The following TIAM2 variants were observed in gnomAD, a reference collection of about 807,000 sequenced individuals.
TIAM2 encodes the protein TIAM Rac1 associated GEF 2.
Under a neutral mutation model 152.9 loss-of-function variants are expected in TIAM2, and 80 were observed. The ratio of observed to expected loss-of-function variants is 0.52; its 90% confidence interval spans 0.44 to 0.63. The LOEUF is 0.63. Among genes scored for constraint, TIAM2 ranks in the 30% least tolerant of loss-of-function variants. TIAM2 has a pLI of 0.00. For missense variants in TIAM2, 1,965 were observed against 2,120.1 expected, an observed-to-expected ratio of 0.93 and a Z score of 1.44; for synonymous variants, 804 against 838.0, an observed-to-expected ratio of 0.96 and a Z score of 0.70.
At chr6:155,224,749 C>T (rs28360573) in intron 15 of TIAM2, among the ~76,000 whole-genome samples, 13,399 of 152,256 alleles carry the variant, frequency 0.088, 582 homozygotes, top group South Asian at 0.11. Flanking sequence ...TTGCTGCCAC[C>T]TGAGTCCTCT....
intron 15 of TIAM2, among the ~76,000 whole-genome samples, chr6:155,215,876 C>T (rs1176906171): frequency 7.3e-5 from 11 of 151,616 alleles, no homozygotes; most frequent in African/African-American, 1.9e-4. Context: ...GGTGTGATCT[C>T]GACTCACTGC....
chr6:155,257,261 G>A lies in TIAM2; in HGVS notation c.*140G>A. 2 of 954,114 alleles carry A rather than the reference G, an allele frequency of 2.1e-6. No homozygotes were observed. The highest frequency in any genetic ancestry group is 1.8e-5 in the South Asian group (1 of 56,928). The allele number at this position is 954,114 out of a possible 1,614,324, so 59.1% of individuals were successfully genotyped here. A position where few individuals can be genotyped will look rare whatever the true frequency, so the allele number is the denominator to read the frequency against. On this transcript the variant is annotated 3_prime_UTR_variant, in exon 27 of 27. Transcript: ENST00000682666. ...GTATACATTTTCCCACAAAATGGTTGTAAAGATTTAAGTTATTTTAATTTA... is the reference window on the plus strand; with the variant it reads ...GTATACATTTTCCCACAAAATGGTTATAAAGATTTAAGTTATTTTAATTTA...
intron 2 of TIAM2, among the ~76,000 whole-genome samples, chr6:155,093,760 C>T (rs1393776277): frequency 6.6e-6 from 1 of 152,178 alleles, no homozygotes; most frequent in Non-Finnish European, 1.5e-5. Flanking sequence ...GACTACATGG[C>T]CTCTGCGGCC....
At chr6:155,151,858 T>TC (rs1175317732) in intron 7 of TIAM2, among the ~76,000 whole-genome samples, 87 of 151,056 alleles carry the variant, frequency 5.8e-4, no homozygotes, top group Admixed American at 1.9e-3. Context: ...TCTTTTTTTT[T>TC]TTTGAGACAG....
At chr6:155,205,270 C>T (rs1391063402) in intron 14 of TIAM2, among the ~76,000 whole-genome samples, 1 of 139,756 alleles carries the variant, frequency 7.2e-6, no homozygotes, top group African/African-American at 2.6e-5. Flanking sequence ...GTTCTCCTGT[C>T]ACTTTGCATT....
At chr6:155,001,944 A>G (rs535754779) in intron 1 of TIAM2, among the ~76,000 whole-genome samples, 3 of 152,328 alleles carry the variant, frequency 2.0e-5, no homozygotes, top group African/African-American at 7.2e-5. Context: ...TTGCTTTTAA[A>G]ATATAGTGAT....
chr6:155,045,169 C>T (rs1414061223), intron 1 of TIAM2, among the ~76,000 whole-genome samples: 3 of 151,454 alleles, frequency 2.0e-5, no homozygotes, highest in Non-Finnish European at 4.4e-5. Context: ...CGTGTTCACA[C>T]GATTCTCCTG....
intron 1 of TIAM2, among the ~76,000 whole-genome samples, chr6:155,029,588 A>ATAATAGTATATATAAC (rs1244580647): frequency 0.026 from 2,276 of 86,238 alleles, 301 homozygotes; most frequent in African/African-American, 0.082. Context: ...ATATAACTAT[A>ATAATAGTATATATAAC]TAGTATATAT....
intron 4 of TIAM2, 131 bp downstream of exon 4, chr6:155,130,548 G>GT (rs751911786): frequency 3.8e-6 from 3 of 790,222 alleles, no homozygotes; most frequent in South Asian, 4.0e-5. Flanking sequence ...AGAGTTCAGT[G>GT]GAAAGCCTGG....
intron 2 of TIAM2, among the ~76,000 whole-genome samples, chr6:155,101,948 T>G (rs548246646): frequency 6.6e-6 from 1 of 152,014 alleles, no homozygotes; most frequent in Non-Finnish European, 1.5e-5. Context: ...ATGATCTGCC[T>G]GCCTTGGCCT....
intron 13 of TIAM2, among the ~76,000 whole-genome samples, chr6:155,182,585 C>A (rs901342396): frequency 3.9e-5 from 6 of 152,164 alleles, no homozygotes; most frequent in African/African-American, 1.2e-4. Context: ...CAGAGTGAGA[C>A]TCCTGCCTCC....
At chr6:155,007,022 T>C (rs888965153) in intron 1 of TIAM2, among the ~76,000 whole-genome samples, 1 of 152,176 alleles carries the variant, frequency 6.6e-6, no homozygotes, top group Non-Finnish European at 1.5e-5. Context: ...GAAAGGGTCT[T>C]GCCATGTTGC....
intron 1 of TIAM2, among the ~76,000 whole-genome samples, chr6:155,049,614 T>C (rs998052496): frequency 4.6e-5 from 7 of 152,136 alleles, no homozygotes; most frequent in African/African-American, 1.7e-4. Flanking sequence ...GGGTACATTT[T>C]ACCAGTCTGT....
At chr6:155,210,492 G>GT (rs1225853827) in intron 14 of TIAM2, among the ~76,000 whole-genome samples, 3,582 of 144,926 alleles carry the variant, frequency 0.025, 158 homozygotes, top group African/African-American at 0.085. Context: ...TTGTGTGTGT[G>GT]TTTTTTTTTT....
intron 1 of TIAM2, among the ~76,000 whole-genome samples, chr6:155,041,819 G>A (rs1382849528): frequency 1.3e-5 from 2 of 152,184 alleles, no homozygotes; most frequent in Non-Finnish European, 2.9e-5. Flanking sequence ...GTGCGATGTA[G>A]ACCCAATTAG....
chr6:155,220,542 T>C (rs908867569), intron 15 of TIAM2, among the ~76,000 whole-genome samples: 1 of 152,068 alleles, frequency 6.6e-6, no homozygotes, highest in Non-Finnish European at 1.5e-5. Flanking sequence ...CACAGTGAGG[T>C]TGGAAGGATG....
intron 1 of TIAM2, among the ~76,000 whole-genome samples, chr6:155,002,238 G>A (rs1583144739): frequency 6.6e-6 from 1 of 152,066 alleles, no homozygotes; most frequent in African/African-American, 2.4e-5. Context: ...GTAAGACCCT[G>A]TCTCTGTAAA....
rs1306647731 is a variant in TIAM2 at position 155,129,437 on chromosome 6, C to T, written c.214C>T (p.Gln72Ter). ...RSCLSHFKSN[Q>*]PYASRLGGPT... ...CTGCCTTTCTCACTTTAAGAGTAAC[C>T]AGCCTTACGCATCGAGACTCGGTGG... Residue 72 changes from glutamine to a stop codon, truncating the protein, a stop_gained, in exon 4 of 27, where the codon CAG becomes TAG. Transcript: ENST00000682666. LOFTEE classifies it high-confidence loss of function. The surrounding 1 kb of genome is among the most constrained non-coding windows in gnomAD (Gnocchi z 4.8). 3 of 1,614,070 alleles carry T rather than the reference C, an allele frequency of 1.9e-6. No individual in the cohort carries two copies. The highest frequency in any genetic ancestry group is 1.7e-6 in the Non-Finnish European group (2 of 1,180,008).
At chr6:155,116,691 C>G (rs1211836281) in intron 2 of TIAM2, among the ~76,000 whole-genome samples, 1 of 152,080 alleles carries the variant, frequency 6.6e-6, no homozygotes, top group Admixed American at 6.6e-5. Flanking sequence ...CAGCAAGAAG[C>G]TGTGTGGTTG....
Sources: allele counts gnomAD v4.1 joint callset (sites outside exome capture counted in the v4.1 genomes callset), GRCh38; gene constraint gnomAD v4.1.1; non-coding constraint Gnocchi (gnomAD v3.1); transcripts MANE v1.5; gene names NCBI Gene and HGNC (gene_info 2026-07-23, HGNC 2026-07-21).